Variants in STON1 observed in about 807,000 individuals in gnomAD.
STON1 encodes the protein stonin-1.
Under a neutral mutation model 60.9 loss-of-function variants are expected in STON1, and 79 were observed. That is an observed-to-expected ratio of 1.30 (90% confidence interval 1.08 to 1.56). The LOEUF (loss-of-function observed/expected upper bound fraction) is 1.56, where lower values mean the gene tolerates loss of function less well. Ranked by LOEUF, STON1 falls within the 40% of genes most tolerant of loss-of-function variation. The pLI, the probability that STON1 is intolerant of heterozygous loss-of-function variation, is 0.00. For synonymous variants in STON1, 363 were observed against 306.9 expected (o/e 1.18, Z -1.91); for missense variants, 1,166 against 858.9 (o/e 1.36, Z -4.47).
At chr2:48,560,625 G>A (rs889647241) in intron 1 of STON1, among the ~76,000 whole-genome samples, 23 of 152,290 alleles carry the variant, frequency 1.5e-4, no homozygotes, top group African/African-American at 5.5e-4. Context: ...CTGCTCCTGA[G>A]AACAGAAGGT....
In STON1 at chr2:48,581,019, C is replaced by A; in HGVS notation, c.386C>A (p.Thr129Lys). The A allele has an allele frequency of 6.4e-7, 1 of 1,568,990 alleles. No individual in the cohort carries two copies. Among genetic ancestry groups the A allele is most frequent in the South Asian group, 1.2e-5 (1 of 81,574 alleles). ...TCTTCCTTACTGCCTACCAGACCAACATGTTTATCCCATGCCTTGTTACCC... is the reference window on the plus strand; with the variant it reads ...TCTTCCTTACTGCCTACCAGACCAAAATGTTTATCCCATGCCTTGTTACCC... ...GESSLLPTRP[T>K]CLSHALLPSD... The change falls in exon 2 of 4, where the codon ACA (threonine) becomes AAA (lysine). Residue 129 changes from threonine to lysine, a missense_variant. Coordinates refer to ENST00000404752, the MANE Select transcript of STON1 (RefSeq NM_006873.4).
intron 1 of STON1, among the ~76,000 whole-genome samples, chr2:48,561,685 A>C (rs1470006887): frequency 6.6e-6 from 1 of 152,166 alleles, no homozygotes; most frequent in East Asian, 1.9e-4. Flanking sequence ...AGTTGTGACA[A>C]TGAAAAATGT....
intron 1 of STON1, among the ~76,000 whole-genome samples, chr2:48,567,002 A>T (rs144469774): frequency 6.6e-6 from 1 of 152,324 alleles, no homozygotes; most frequent in African/African-American, 2.4e-5. Flanking sequence ...TGAACAGATT[A>T]TTAGAACAAG....
intron 1 of STON1, among the ~76,000 whole-genome samples, chr2:48,571,432 T>A (rs1191974970): frequency 6.6e-6 from 1 of 152,206 alleles, no homozygotes; most frequent in Non-Finnish European, 1.5e-5. Context: ...TCATGCAGTT[T>A]AAATGAGACG....
intron 2 of STON1, 30 bp downstream of exon 2, chr2:48,582,593 C>T (rs1248859252): frequency 1.9e-6 from 3 of 1,587,950 alleles, no homozygotes; most frequent in African/African-American, 1.4e-5. Context: ...AGTTTATTTT[C>T]ATGGGAAATA....
Position 48,533,498 on chromosome 2 carries a change from G to A in STON1, c.-48+3282G>A, listed in dbSNP as rs534519140. Among the ~76,000 whole-genome samples, 8 of 151,824 alleles carry A rather than the reference G, an allele frequency of 5.3e-5. No individual in the cohort carries two copies. The East Asian group carries it at 1.6e-3, about 30-fold the overall frequency. ...GAGGTCAGAAGTTCGATACCAGCCT[G>A]GCCAACATGATGAAAACCTGTCTCT... On this transcript the variant is annotated intron_variant, in intron 1 of 3. Coordinates refer to ENST00000404752, the MANE Select transcript of STON1 (RefSeq NM_006873.4).
At position 48,581,259 on chromosome 2, in the gene STON1, C is replaced by G. The variant is rs1673864183; in HGVS notation, c.626C>G (p.Ser209Ter). Reference protein sequence around the residue: ...DPPGSKKMFSSRNKEMPIDQK... With the variant: ...DPPGSKKMFS Reference sequence around the variant, plus strand: ...CCAGGAAGCAAAAAGATGTTCTCATCAAGAAACAAGGAGATGCCTATTGAC... The same window carrying G: ...CCAGGAAGCAAAAAGATGTTCTCATGAAGAAACAAGGAGATGCCTATTGAC... The change falls in exon 2 of 4, where the codon TCA becomes TGA. Residue 209 changes from serine to a stop codon, truncating the protein, a stop_gained. Coordinates refer to ENST00000404752, the MANE Select transcript of STON1 (RefSeq NM_006873.4). LOFTEE classifies it high-confidence loss of function. The G allele has an allele frequency of 2.0e-6, 3 of 1,517,996 alleles. No homozygotes were observed. The highest frequency in any genetic ancestry group is 2.7e-5 in the South Asian group (2 of 74,446). 94.0% of individuals were successfully genotyped at this position (1,517,996 alleles called of 1,614,324 possible).
intron 1 of STON1, among the ~76,000 whole-genome samples, chr2:48,563,537 A>T (rs1672695646): frequency 6.6e-6 from 1 of 152,236 alleles, no homozygotes; most frequent in African/African-American, 2.4e-5. Flanking sequence ...ACCCATGGTC[A>T]TAGCAGACAG....
At chr2:48,535,430 T>C (rs1671384982) in intron 1 of STON1, among the ~76,000 whole-genome samples, 1 of 152,140 alleles carries the variant, frequency 6.6e-6, no homozygotes, top group Admixed American at 6.5e-5. Flanking sequence ...CCATGTCCCC[T>C]CACAGGCAAG....
intron 1 of STON1, among the ~76,000 whole-genome samples, chr2:48,576,588 C>G (rs1438500495): frequency 6.6e-6 from 1 of 150,838 alleles, no homozygotes; most frequent in Admixed American, 6.6e-5. Context: ...TTGCATTGTC[C>G]TGATGATTAG....
chr2:48,579,061 T>A (rs1054514341), intron 1 of STON1, among the ~76,000 whole-genome samples: 3 of 152,110 alleles, frequency 2.0e-5, no homozygotes, highest in Non-Finnish European at 4.4e-5. Context: ...TGGAGAGTAA[T>A]GACACAGTCT....
chr2:48,580,387 A>G (rs1468567422), intron 1 of STON1, among the ~76,000 whole-genome samples, 200 bp from the exon 2 acceptor site: 1 of 151,684 alleles, frequency 6.6e-6, no homozygotes, highest in African/African-American at 2.4e-5. Context: ...TCATCCTTTC[A>G]CTTTCAGCAT....
Position 48,596,056 on chromosome 2 carries a change from A to G in STON1, c.*754A>G, listed in dbSNP as rs537789872. 6.6e-6 allele frequency: 1 copy of G among 152,352 alleles called. No individual in the cohort carries two copies. The highest frequency in any genetic ancestry group is 2.4e-5 in the African/African-American group (1 of 41,596). 9.4% of individuals were successfully genotyped at this position (152,352 alleles called of 1,614,324 possible). ...TCAAAATGGAATCTGAGTATTAGAC[A>G]CTAGTTAACATATTTGTGTATATTA... On this transcript the variant is annotated 3_prime_UTR_variant, in exon 4 of 4. Coordinates refer to ENST00000404752, the MANE Select transcript of STON1 (RefSeq NM_006873.4).
At chr2:48,544,951 C>G (rs1203858713) in intron 1 of STON1, among the ~76,000 whole-genome samples, 2 of 152,206 alleles carry the variant, frequency 1.3e-5, no homozygotes, top group African/African-American at 4.8e-5. Flanking sequence ...AGGAATCCCT[C>G]CTAGTGTAGC....
intron 1 of STON1, among the ~76,000 whole-genome samples, chr2:48,533,705 C>T (rs867467483): frequency 4.7e-5 from 7 of 148,266 alleles, no homozygotes; most frequent in Middle Eastern, 3.6e-3. Context: ...GTAAAATAAC[C>T]CAAAGGAATA....
In STON1 at chr2:48,581,019, C is replaced by T. The variant is rs754650424; in HGVS notation, c.386C>T (p.Thr129Ile). The T allele has an allele frequency of 1.9e-6, 3 of 1,568,990 alleles. No homozygotes were observed. Among genetic ancestry groups the T allele is most frequent in the Non-Finnish European group, 2.6e-6 (3 of 1,161,810 alleles). ...GESSLLPTRP[T>I]CLSHALLPSD... ...TCTTCCTTACTGCCTACCAGACCAA[C>T]ATGTTTATCCCATGCCTTGTTACCC... Residue 129 changes from threonine (T) to isoleucine (I), a missense_variant, in exon 2 of 4, where the codon ACA becomes ATA. Transcript: ENST00000404752.
chr2:48,541,120 C>T (rs955122638), intron 1 of STON1, among the ~76,000 whole-genome samples: 2 of 152,060 alleles, frequency 1.3e-5, no homozygotes, highest in East Asian at 1.9e-4. Context: ...GAGGCTGAGG[C>T]GGGCAGATAG....
At chr2:48,577,611 TTTTG>T (rs1288385539) in intron 1 of STON1, among the ~76,000 whole-genome samples, 2 of 151,914 alleles carry the variant, frequency 1.3e-5, no homozygotes, top group African/African-American at 4.8e-5. Context: ...AAACAGGTTT[TTTTG>T]TTTGTTTGTT....
rs1224785546 is a variant in STON1 at position 48,596,775 on chromosome 2, G to C, written c.*1473G>C. 6.6e-6 allele frequency: 1 copy of C among 151,986 alleles called. No homozygotes were observed. The highest frequency in any genetic ancestry group is 1.5e-5 in the Non-Finnish European group (1 of 68,000). The allele number at this position is 151,986 out of a possible 1,614,324, so 9.4% of individuals were successfully genotyped here. A position where few individuals can be genotyped will look rare whatever the true frequency, so the allele number is the denominator to read the frequency against. On this transcript the variant is annotated 3_prime_UTR_variant, in exon 4 of 4. Coordinates refer to ENST00000404752, the MANE Select transcript of STON1 (RefSeq NM_006873.4). ...TCTGTATCAATCAGCAGATTTTATT[G>C]CTTTTCATTATTTTACTGTAAAGGC... is the stretch of plus-strand genomic sequence containing the variant.
Sources: gnomAD v4.1 joint callset for allele counts (sites outside exome capture counted in the v4.1 genomes callset) on GRCh38, gnomAD v4.1.1 for gene constraint, MANE v1.5 for transcripts, NCBI Gene and HGNC (gene_info 2026-07-23, HGNC 2026-07-21) for gene names.